Variants in ESRRG observed in about 807,000 individuals in gnomAD.
ESRRG encodes estrogen-related receptor gamma.
ESRRG carries 13 observed loss-of-function variants against 44.0 expected under a neutral mutation model. The observed-to-expected ratio is 0.30, with a 90% CI of 0.19 to 0.47. ESRRG has a LOEUF of 0.47. Ranked by LOEUF, ESRRG falls within the 20% of genes least tolerant of loss-of-function variation. The pLI, the probability that ESRRG is intolerant of heterozygous loss-of-function variation, is 1.00. For synonymous variants in ESRRG, 215 were observed against 214.6 expected (o/e 1.00, Z -0.02); for missense variants, 395 against 580.6 (o/e 0.68, Z 3.29).
intron 2 of ESRRG, among the ~76,000 whole-genome samples, chr1:216,849,769 T>C (rs923223657): frequency 6.6e-6 from 1 of 152,212 alleles, no homozygotes; most frequent in South Asian, 2.1e-4. Context: ...ATCTTCCCAA[T>C]AGCACTTTTT....
chr1:216,748,420 A>C (rs534270996), intron 2 of ESRRG, among the ~76,000 whole-genome samples: 1 of 152,150 alleles, frequency 6.6e-6, no homozygotes, highest in South Asian at 2.1e-4. Context: ...AATAATTTAA[A>C]ATGTGGCCTT....
chr1:216,626,914 G>A lies in ESRRG; in HGVS notation c.589+24059C>T, dbSNP rs71643415. Among the ~76,000 whole-genome samples, 1,321 of 152,272 alleles carry A rather than the reference G, an allele frequency of 8.7e-3. 9 individuals carry two copies. Among genetic ancestry groups the A allele is most frequent in the Admixed American group, 0.013 (203 of 15,292 alleles). ...TAACAGCACTGTAAGTTATTCCATG[G>A]AGCTAAGGTTTATTTTTCTCTATCT... On this transcript the variant is annotated intron_variant, in intron 3 of 6. Coordinates refer to ENST00000408911, the MANE Select transcript of ESRRG (RefSeq NM_001438.4).
chr1:216,575,458 G>C (rs1368125333), intron 3 of ESRRG, among the ~76,000 whole-genome samples: 2 of 152,138 alleles, frequency 1.3e-5, no homozygotes, highest in Non-Finnish European at 2.9e-5. Context: ...ATTTGTGCAT[G>C]AAGTATCTTG....
intron 1 of ESRRG, among the ~76,000 whole-genome samples, chr1:216,990,180 G>A (rs77612001): frequency 0.025 from 3,740 of 152,170 alleles, 151 homozygotes; most frequent in African/African-American, 0.084. Flanking sequence ...TCAGTGAAGG[G>A]ATGGCATGAC....
At chr1:216,588,846 C>A (rs1002588801) in intron 3 of ESRRG, among the ~76,000 whole-genome samples, 3 of 152,138 alleles carry the variant, frequency 2.0e-5, no homozygotes, top group Non-Finnish European at 4.4e-5. Flanking sequence ...ACCCCCAAAA[C>A]AAGCGCTTTG....
At chr1:216,695,113 C>T (rs115435488) in intron 1 of ESRRG, among the ~76,000 whole-genome samples, 188 of 152,056 alleles carry the variant, frequency 1.2e-3, no homozygotes, top group African/African-American at 4.3e-3. Context: ...TGGGAATCAT[C>T]GGAGGAGGTT....
chr1:217,117,738 T>G (rs1442717186), intron 1 of ESRRG, among the ~76,000 whole-genome samples: 1 of 152,210 alleles, frequency 6.6e-6, no homozygotes, highest in Non-Finnish European at 1.5e-5. Context: ...TAATTTTCTT[T>G]GGCTTTCTCT....
At chr1:216,603,818 C>T (rs2059558803) in intron 3 of ESRRG, among the ~76,000 whole-genome samples, 1 of 151,918 alleles carries the variant, frequency 6.6e-6, no homozygotes, top group African/African-American at 2.4e-5. Context: ...ATCCCAGCTA[C>T]TCGGCGGGAT....
intron 1 of ESRRG, among the ~76,000 whole-genome samples, chr1:216,977,236 C>T (rs1271385951): frequency 6.6e-6 from 1 of 151,820 alleles, no homozygotes; most frequent in African/African-American, 2.4e-5. Context: ...TTGGACCTAT[C>T]TGTCAAGCTC....
chr1:217,074,258 C>T (rs180893953), intron 1 of ESRRG, among the ~76,000 whole-genome samples: 4 of 151,496 alleles, frequency 2.6e-5, no homozygotes, highest in African/African-American at 7.3e-5. Flanking sequence ...CATATTGGCC[C>T]GGCCAGTCTC....
chr1:216,964,624 A>G (rs558173591), intron 1 of ESRRG, among the ~76,000 whole-genome samples: 5 of 152,272 alleles, frequency 3.3e-5, no homozygotes, highest in African/African-American at 1.2e-4. Flanking sequence ...ACCTAACGCT[A>G]AAGCTACACC....
intron 1 of ESRRG, among the ~76,000 whole-genome samples, chr1:217,012,878 A>G (rs968307639): frequency 8.5e-5 from 13 of 152,176 alleles, no homozygotes; most frequent in African/African-American, 3.1e-4. Context: ...ACAGTAATAT[A>G]TTATCTCAGC....
intron 1 of ESRRG, among the ~76,000 whole-genome samples, chr1:217,106,523 T>C (rs1460318691): frequency 6.6e-6 from 1 of 152,154 alleles, no homozygotes; most frequent in African/African-American, 2.4e-5. Flanking sequence ...AAGACATTGA[T>C]GGTTTTACTT....
At chr1:217,086,646 C>T (rs2092099282) in intron 1 of ESRRG, among the ~76,000 whole-genome samples, 1 of 152,226 alleles carries the variant, frequency 6.6e-6, no homozygotes, top group South Asian at 2.1e-4. Context: ...TTGACCATTA[C>T]ATAACCTATC....
chr1:216,722,137 T>C (rs183665828), intron 1 of ESRRG, among the ~76,000 whole-genome samples: 1 of 152,366 alleles, frequency 6.6e-6, no homozygotes, highest in East Asian at 1.9e-4. Flanking sequence ...GACATCTACC[T>C]ATAATGCACT....
intron 1 of ESRRG, among the ~76,000 whole-genome samples, chr1:217,011,200 CCTGA>C (rs10564226): frequency 0.012 from 1,887 of 152,260 alleles, 33 homozygotes; most frequent in African/African-American, 0.037. Flanking sequence ...TGACACATTG[CCTGA>C]CTATCACTAA....
chr1:216,541,561 AGTGTGTGTGT>A (rs34245595), intron 5 of ESRRG, among the ~76,000 whole-genome samples: 5,994 of 130,366 alleles, frequency 0.046, 407 homozygotes, highest in African/African-American at 0.16. Flanking sequence ...TCTTTTGGTT[AGTGTGTGTGT>A]GTGTGTGTGT....
At chr1:216,556,027 C>T (rs905372883) in intron 5 of ESRRG, among the ~76,000 whole-genome samples, 13 of 152,066 alleles carry the variant, frequency 8.5e-5, no homozygotes, top group African/African-American at 1.2e-4. Context: ...GCACTCCTCC[C>T]CCAACTTTTC....
chr1:216,543,265 T>C (rs2053445300), intron 5 of ESRRG, among the ~76,000 whole-genome samples: 1 of 152,034 alleles, frequency 6.6e-6, no homozygotes, highest in Non-Finnish European at 1.5e-5. Flanking sequence ...TTTCCAAACC[T>C]GCCTTCAAGA....
Sources: allele counts gnomAD v4.1 joint callset (sites outside exome capture counted in the v4.1 genomes callset), GRCh38; gene constraint gnomAD v4.1.1; transcripts MANE v1.5; gene names NCBI Gene and HGNC (gene_info 2026-07-23, HGNC 2026-07-21).